Variants in PRKX observed in about 807,000 individuals in gnomAD.
The protein encoded by PRKX is protein kinase cAMP-dependent X-linked catalytic subunit.
Under a neutral mutation model 22.0 loss-of-function variants are expected in PRKX, and 12 were observed. The ratio of observed to expected loss-of-function variants is 0.54; its 90% CI spans 0.35 to 0.88. The LOEUF is 0.88. Ranked by LOEUF, PRKX falls within the 40% of genes least tolerant of loss-of-function variation. The probability of loss-of-function intolerance (pLI) is 0.01; values close to 1 mark genes in which losing one functional copy is unlikely to be tolerated. For synonymous variants in PRKX, 134 were observed against 137.7 expected (o/e 0.97, Z 0.19); for missense variants, 217 against 308.0 (o/e 0.70, Z 2.21).
chrX:3,650,692 A>C (rs1305472261), intron 3 of PRKX, among the ~76,000 whole-genome samples: 1 of 107,932 alleles, frequency 9.3e-6, no homozygotes, highest in African/African-American at 3.4e-5. Flanking sequence ...CAGCCTAGGC[A>C]ACATGGTGAA....
At chrX:3,658,092 G>C (rs55889526) in intron 2 of PRKX, among the ~76,000 whole-genome samples, 28,521 of 109,121 alleles carry the variant, frequency 0.26, 3,025 homozygotes, top group African/African-American at 0.33. Context: ...CTGGGTGCAA[G>C]CGATTCTCCT....
At chrX:3,697,542 C>CT (rs11424185) in intron 1 of PRKX, among the ~76,000 whole-genome samples, 10,382 of 104,616 alleles carry the variant, frequency 0.099, 1,323 homozygotes, top group African/African-American at 0.34. Context: ...TCACAATGTC[C>CT]TTTTTTTTTT....
intron 1 of PRKX, among the ~76,000 whole-genome samples, chrX:3,711,898 G>A (rs1010296988): frequency 1.4e-4 from 15 of 110,688 alleles, no homozygotes; most frequent in Admixed American, 5.8e-4. Context: ...GAGAGAATGA[G>A]ATAAAGAGGA....
Position 3,677,906 on chromosome X carries a change from A to C in PRKX, c.167-3140T>G, listed in dbSNP as rs1272380574. Among the ~76,000 whole-genome samples the C allele has an allele frequency of 2.7e-5, 3 of 112,509 alleles. No individual in the cohort carries two copies. In the East Asian group the frequency reaches 8.3e-4, roughly 31 times the overall value. ...ATTTCTTTAAAAAAAGTAAACAAAT[A>C]ATGAAATAGTAACACATTTTTAAAG... is the stretch of plus-strand genomic sequence containing the variant. On this transcript the variant is annotated intron_variant, in intron 1 of 8. Transcript: ENST00000262848.
chrX:3,713,331 A>T lies in PRKX; in HGVS notation c.-78T>A. The T allele has an allele frequency of 1.2e-6, 1 of 869,154 alleles. No homozygotes were observed. Among genetic ancestry groups the T allele is most frequent in the Non-Finnish European group, 1.4e-6 (1 of 690,979 alleles). The allele number at this position is 869,154 out of a possible 1,213,427, so 71.6% of individuals were successfully genotyped here. On this transcript the variant is annotated 5_prime_UTR_variant, in exon 1 of 9. Transcript: ENST00000262848. ...CGGGCTTCCCGGGACGCAGCCTCGG[A>T]GGGCGGCGCGGCGGCGGCATCAACA...
At chrX:3,632,138 G>A (rs1926797052) in intron 4 of PRKX, among the ~76,000 whole-genome samples, 1 of 112,070 alleles carries the variant, frequency 8.9e-6, no homozygotes, top group Admixed American at 9.5e-5. Flanking sequence ...TGCGTGCGAC[G>A]TGGCCCTAAC....
At chrX:3,692,174 T>G (rs1018147702) in intron 1 of PRKX, among the ~76,000 whole-genome samples, 3 of 109,218 alleles carry the variant, frequency 2.7e-5, no homozygotes, top group Admixed American at 9.8e-5. Context: ...ACTCTCACGC[T>G]AAAGCAGGTT....
Position 3,713,070 on chromosome X carries a change from C to A in PRKX, c.166+18G>T. 8.7e-7 allele frequency: 1 copy of A among 1,155,924 alleles called. No individual in the cohort carries two copies. Among genetic ancestry groups the A allele is most frequent in the South Asian group, 1.9e-5 (1 of 52,246 alleles). ...CCGCGCGCCCCTGTGGGCCGAGTCCCCGCCCGCACTCACTCACCCACGGTG... is the reference window on the plus strand; with the variant it reads ...CCGCGCGCCCCTGTGGGCCGAGTCCACGCCCGCACTCACTCACCCACGGTG... On this transcript the variant is annotated intron_variant, in intron 1 of 8. Transcript: ENST00000262848.
intron 2 of PRKX, among the ~76,000 whole-genome samples, chrX:3,665,895 G>A (rs1250744862): frequency 1.0e-5 from 1 of 98,094 alleles, no homozygotes; most frequent in Non-Finnish European, 2.0e-5. Context: ...GTTTCAGTTG[G>A]GGAAGATGAA....
At position 3,684,829 on chromosome X, in the gene PRKX, C is replaced by G. The variant is rs111256416; in HGVS notation, c.167-10063G>C. ...TTTATTTATTTTTTATTTATTTCTA[C>G]TTTGTGAGATAGAGTCCTGCTCTGT... is the stretch of plus-strand genomic sequence containing the variant. On this transcript the variant is annotated intron_variant, in intron 1 of 8. Transcript: ENST00000262848. 9.4e-3 allele frequency among the ~76,000 whole-genome samples: 1,048 copies of G among 111,013 alleles called. 19 individuals are homozygous for G. The highest frequency in any genetic ancestry group is 0.032 in the African/African-American group (983 of 30,563).
chrX:3,709,353 G>A (rs1470497103), intron 1 of PRKX, among the ~76,000 whole-genome samples: 2 of 111,215 alleles, frequency 1.8e-5, no homozygotes, highest in Non-Finnish European at 3.8e-5. Context: ...AATCCCCTGT[G>A]AGTCTGTATT....
intron 1 of PRKX, among the ~76,000 whole-genome samples, chrX:3,679,777 G>A (rs1928034950): frequency 8.9e-6 from 1 of 112,005 alleles, no homozygotes; most frequent in South Asian, 3.7e-4. Context: ...GAAGGACCAT[G>A]GCAATCTCGG....
intron 1 of PRKX, among the ~76,000 whole-genome samples, chrX:3,706,330 G>A (rs1232868433): frequency 2.5e-4 from 27 of 109,022 alleles, no homozygotes; most frequent in African/African-American, 9.1e-4. Flanking sequence ...GACTACAGGT[G>A]CATTCCATCA....
In PRKX at chrX:3,638,665, G is replaced by C. The variant is rs1926947983; in HGVS notation, c.719+3187C>G. Among the ~76,000 whole-genome samples the C allele has an allele frequency of 6.3e-5, 7 of 111,640 alleles. No homozygotes were observed. In the South Asian group the frequency reaches 2.3e-3, roughly 37 times the overall value. On this transcript the variant is annotated intron_variant, in intron 4 of 8. Coordinates refer to ENST00000262848, the MANE Select transcript of PRKX (RefSeq NM_005044.5). ...AATGGAAAATTCAAAAGACCAACAG[G>C]CCGGTAGGTAGGTAGATTATTGATA... is the stretch of plus-strand genomic sequence containing the variant.
At position 3,621,333 on chromosome X, in the gene PRKX, G is replaced by GAAA; in HGVS notation, c.816-18_816-17insTTT. 1.8e-6 allele frequency: 2 copies of GAAA among 1,129,300 alleles called. No individual in the cohort carries two copies. The highest frequency in any genetic ancestry group is 5.3e-5 in the Admixed American group (2 of 37,645). 93.1% of individuals were successfully genotyped at this position (1,129,300 alleles called of 1,213,427 possible). On this transcript the variant is annotated splice_polypyrimidine_tract_variant and intron_variant, in intron 5 of 8. Coordinates refer to ENST00000262848, the MANE Select transcript of PRKX (RefSeq NM_005044.5). ...ATGAGGTCTCTATGTTGGGGAAGGAGACAAAAAAAAAAAAAGTACACAGAT... is the reference window on the plus strand; with the variant it reads ...ATGAGGTCTCTATGTTGGGGAAGGAGAAAACAAAAAAAAAAAAAGTACACAGAT...
chrX:3,630,335 G>A (rs1231157925), intron 4 of PRKX, among the ~76,000 whole-genome samples: 8 of 96,540 alleles, frequency 8.3e-5, no homozygotes, highest in African/African-American at 2.4e-4. Context: ...CAAGGTGGGC[G>A]GATCACGAGG....
chrX:3,666,332 A>G (rs1355585758), intron 2 of PRKX, among the ~76,000 whole-genome samples: 15 of 109,426 alleles, frequency 1.4e-4, no homozygotes, highest in African/African-American at 5.0e-4. Context: ...ATTTTTTTGT[A>G]TTTTTAGTAG....
intron 2 of PRKX, among the ~76,000 whole-genome samples, chrX:3,660,054 G>A (rs767944581): frequency 2.7e-5 from 3 of 111,854 alleles, no homozygotes; most frequent in Non-Finnish European, 5.6e-5. Flanking sequence ...GGGCAAGAGT[G>A]TTCCTCTCAG....
intron 1 of PRKX, among the ~76,000 whole-genome samples, chrX:3,695,326 C>A (rs1300563840): frequency 8.9e-6 from 1 of 112,201 alleles, no homozygotes; most frequent in Non-Finnish European, 1.9e-5. Flanking sequence ...GAGACAATAT[C>A]CTCTCCAACT....
Sources: gnomAD v4.1 joint callset for allele counts (sites outside exome capture counted in the v4.1 genomes callset) on GRCh38, gnomAD v4.1.1 for gene constraint, MANE v1.5 for transcripts, NCBI Gene and HGNC (gene_info 2026-07-23, HGNC 2026-07-21) for gene names.